CHRNA7: variants seen among roughly 807,000 people sequenced by gnomAD.
CHRNA7 encodes cholinergic receptor nicotinic alpha 7 subunit.
In CHRNA7, 17 loss-of-function variants were observed where a neutral mutation model predicts 48.0. The observed-to-expected ratio is 0.35, with a 90% confidence interval of 0.24 to 0.53. CHRNA7 has a LOEUF of 0.53. CHRNA7 is among the 20% of genes least tolerant of loss of function. The pLI is 0.92. For missense variants in CHRNA7, 155 were observed against 577.7 expected (o/e 0.27, Z 7.50); for synonymous variants, 75 against 242.3 (o/e 0.31, Z 6.41).
Position 32,030,664 on chromosome 15 carries a change from TC to T in CHRNA7, c.55+19del. On this transcript the variant is annotated intron_variant, in intron 1 of 9. Transcript: ENST00000306901. ...GCTCCTGCACGGTAAAGCCACTGCC[TC>T]CCCGCCCTCCACTCCTCCGTGGGAT... 6.4e-7 allele frequency: 1 copy of T among 1,568,106 alleles called. No homozygotes were observed. Among genetic ancestry groups the T allele is most frequent in the Non-Finnish European group, 8.6e-7 (1 of 1,160,344 alleles).
At chr15:32,146,234 C>T (rs60056915) in intron 4 of CHRNA7, among the ~76,000 whole-genome samples, 11,414 of 152,156 alleles carry the variant, frequency 0.075, 1,499 homozygotes, top group African/African-American at 0.26. Flanking sequence ...AATGATCATT[C>T]TGGTAGCTGG....
intron 2 of CHRNA7, among the ~76,000 whole-genome samples, chr15:32,091,195 A>T (rs1354925730): frequency 6.6e-6 from 1 of 151,920 alleles, no homozygotes; most frequent in Non-Finnish European, 1.5e-5. Flanking sequence ...TATCCCTCTG[A>T]TATTTCTCTT....
intron 3 of CHRNA7, among the ~76,000 whole-genome samples, chr15:32,107,522 T>C (rs1500948): frequency 0.3 from 44,770 of 151,522 alleles, 6,994 homozygotes; most frequent in Non-Finnish European, 0.33. Flanking sequence ...GGAGAAAAGA[T>C]TACATGGATT....
chr15:32,102,103 TTA>T (rs58099670), intron 3 of CHRNA7: 28,191 of 152,036 alleles, frequency 0.19, 2,673 homozygotes, highest in Middle Eastern at 0.23. Context: ...TAATATAATT[TTA>T]TGTTTGAAAG....
chr15:32,073,278 G>T (rs1345965327), intron 2 of CHRNA7, among the ~76,000 whole-genome samples: 2 of 152,220 alleles, frequency 1.3e-5, no homozygotes, highest in African/African-American at 4.8e-5. Flanking sequence ...TCAGACTTGT[G>T]TGTGGCCTAT....
At chr15:32,152,781 A>G (rs2051658079) in intron 4 of CHRNA7, among the ~76,000 whole-genome samples, 1 of 152,192 alleles carries the variant, frequency 6.6e-6, no homozygotes, top group Admixed American at 6.5e-5. Flanking sequence ...TTGAAAGGCC[A>G]GAGTTGTTTA....
chr15:32,151,783 G>A, intron 4 of CHRNA7, among the ~76,000 whole-genome samples: 1 of 151,986 alleles, frequency 6.6e-6, no homozygotes, highest in Non-Finnish European at 1.5e-5. Context: ...TCTTTTCATT[G>A]ACTCATTCTT....
intron 2 of CHRNA7, among the ~76,000 whole-genome samples, chr15:32,061,751 T>C (rs887908285): frequency 1.3e-5 from 2 of 152,154 alleles, no homozygotes; most frequent in Non-Finnish European, 2.9e-5. Flanking sequence ...GAGGTTGCAG[T>C]GAGCTGAGAT....
At chr15:32,114,029 T>C (rs1388659118) in intron 4 of CHRNA7, among the ~76,000 whole-genome samples, 2 of 93,334 alleles carry the variant, frequency 2.1e-5, no homozygotes, top group Admixed American at 3.1e-4. Context: ...AATATATATA[T>C]ATATATATAT....
intron 3 of CHRNA7, 132 bp downstream of exon 3, chr15:32,101,479 T>C: frequency 1.1e-6 from 1 of 920,550 alleles, no homozygotes; most frequent in Non-Finnish European, 1.7e-6. Context: ...CAAAAGGCCA[T>C]GGCTGTCACA....
rs753318828 is a variant in CHRNA7, at chr15:32,030,757, C to T, written c.55+108C>T. On this transcript the variant is annotated intron_variant, in intron 1 of 9. Transcript: ENST00000306901. ...GCCAGGTTTGGGATCTCCCCGCCGC[C>T]GGGGAGGGGCAGCGGGGGCGCTGCG... 18 of 1,511,112 alleles carry T rather than the reference C, an allele frequency of 1.2e-5. No homozygotes were observed. The Admixed American group carries it at 3.5e-4, about 29-fold the overall frequency. 93.6% of individuals were successfully genotyped at this position (1,511,112 alleles called of 1,614,324 possible).
chr15:32,031,782 T>G (rs1324567276), intron 2 of CHRNA7, among the ~76,000 whole-genome samples: 1 of 152,240 alleles, frequency 6.6e-6, no homozygotes, highest in African/African-American at 2.4e-5. Flanking sequence ...TATTCAATAT[T>G]CATGGTATAT....
chr15:32,072,514 G>A (rs766141869), intron 2 of CHRNA7, among the ~76,000 whole-genome samples: 2 of 152,194 alleles, frequency 1.3e-5, no homozygotes, highest in Non-Finnish European at 2.9e-5. Flanking sequence ...TGACTAAAAG[G>A]GAGGCAAGCA....
chr15:32,144,273 C>T (rs954440334), intron 4 of CHRNA7, among the ~76,000 whole-genome samples: 3 of 152,134 alleles, frequency 2.0e-5, no homozygotes, highest in Non-Finnish European at 4.4e-5. Flanking sequence ...GGGTTTCTGC[C>T]GAGAGATCCA....
At chr15:32,139,910 C>T (rs2051346393) in intron 4 of CHRNA7, among the ~76,000 whole-genome samples, 2 of 152,038 alleles carry the variant, frequency 1.3e-5, no homozygotes, top group Admixed American at 1.3e-4. Flanking sequence ...TCATTATGAA[C>T]ATAAATGTAT....
At chr15:32,145,218 C>G (rs1476314192) in intron 4 of CHRNA7, among the ~76,000 whole-genome samples, 1 of 152,158 alleles carries the variant, frequency 6.6e-6, no homozygotes, top group Non-Finnish European at 1.5e-5. Flanking sequence ...CACTCCAGAC[C>G]CTGTTTGCCT....
intron 2 of CHRNA7, among the ~76,000 whole-genome samples, chr15:32,073,417 G>A (rs988408176): frequency 2.0e-5 from 3 of 152,186 alleles, no homozygotes; most frequent in East Asian, 1.9e-4. Context: ...AAAGAAATTT[G>A]CCTTGAGCCT....
chr15:32,071,337 C>A (rs1330002830), intron 2 of CHRNA7, among the ~76,000 whole-genome samples: 7 of 152,156 alleles, frequency 4.6e-5, no homozygotes, highest in Non-Finnish European at 7.3e-5. Flanking sequence ...GATATGATTA[C>A]ATTAAACCTC....
intron 2 of CHRNA7, among the ~76,000 whole-genome samples, chr15:32,049,104 GA>G (rs1440930582): frequency 9.3e-5 from 14 of 150,968 alleles, no homozygotes; most frequent in African/African-American, 3.4e-4. Context: ...GTGTGGTGCT[GA>G]AAAAAATGTA....
Sources: gnomAD v4.1 joint callset for allele counts (sites outside exome capture counted in the v4.1 genomes callset) on GRCh38, gnomAD v4.1.1 for gene constraint, MANE v1.5 for transcripts, NCBI Gene and HGNC (gene_info 2026-07-23, HGNC 2026-07-21) for gene names.